Variants in LASP1NB observed in about 807,000 individuals in gnomAD.
LASP1NB encodes LASP1 neighbor protein.
the LASP1NB span, chr17:38,927,025 C>T: frequency 6.6e-6 from 1 of 151,842 alleles, no homozygotes; most frequent in Non-Finnish European, 1.5e-5. Context: ...CTCTTTGCAC[C>T]TGATTGAATT....
chr17:38,927,518 G>A, the LASP1NB span: 3 of 152,124 alleles, frequency 2.0e-5, no homozygotes, highest in East Asian at 5.8e-4. Context: ...GGCTGAGGCC[G>A]AAGAATTGCT....
the LASP1NB span, chr17:38,926,616 G>A: frequency 1.3e-5 from 2 of 152,114 alleles, no homozygotes; most frequent in Non-Finnish European, 2.9e-5. Context: ...GCTGTAGATG[G>A]GATTGAGAAC....
At chr17:38,925,735 C>G in the LASP1NB span, 1 of 398,616 alleles carries the variant, frequency 2.5e-6, no homozygotes, top group Non-Finnish European at 4.4e-6. Flanking sequence ...CCATCATAGG[C>G]CTGGTCATTC....
the LASP1NB span, chr17:38,928,397 G>A: frequency 1.3e-5 from 2 of 152,120 alleles, no homozygotes; most frequent in Admixed American, 6.6e-5. Context: ...AAACTACATC[G>A]AGAACAGAAT....
At chr17:38,925,828 A>C in the LASP1NB span, 349,663 of 398,354 alleles carry the variant, frequency 0.88, 153,903 homozygotes, top group African/African-American at 0.97. Flanking sequence ...AAGGATGGAG[A>C]TGAATGGCCG....
At chr17:38,927,614 T>C in the LASP1NB span, 2 of 150,894 alleles carry the variant, frequency 1.3e-5, no homozygotes, top group African/African-American at 4.9e-5. Context: ...CCGTCTCAAA[T>C]AAAATAAAAT....
At chr17:38,925,628 C>A in the LASP1NB span, 1 of 398,266 alleles carries the variant, frequency 2.5e-6, no homozygotes, top group Non-Finnish European at 4.4e-6. Flanking sequence ...CCACCGACTG[C>A]AACCTCCGTG....
At chr17:38,926,744 T>A in the LASP1NB span, 1 of 152,220 alleles carries the variant, frequency 6.6e-6, no homozygotes, top group African/African-American at 2.4e-5. Flanking sequence ...CAACTGCACA[T>A]TACACTCAAA....
the LASP1NB span, chr17:38,927,098 G>C: frequency 1.6e-5 from 1 of 61,974 alleles, no homozygotes; most frequent in Non-Finnish European, 3.7e-5. Flanking sequence ...CAAAATGAGT[G>C]TGTGTGTGTG....
chr17:38,927,318 T>TA, the LASP1NB span: 1 of 152,174 alleles, frequency 6.6e-6, no homozygotes, highest in Non-Finnish European at 1.5e-5. Flanking sequence ...TGCTTAAAAG[T>TA]AAACAAGGAG....
the LASP1NB span, chr17:38,925,794 C>T: frequency 2.5e-6 from 1 of 398,516 alleles, no homozygotes; most frequent in Non-Finnish European, 4.4e-6. Context: ...GCGGCCGGAG[C>T]CTGCTGGAGA....
chr17:38,927,855 C>G, the LASP1NB span: 1 of 152,052 alleles, frequency 6.6e-6, no homozygotes, highest in Admixed American at 6.6e-5. Flanking sequence ...CCAGTCTGAC[C>G]AACGTGGTGA....
chr17:38,928,193 C>T, the LASP1NB span: 1 of 152,130 alleles, frequency 6.6e-6, no homozygotes, highest in East Asian at 1.9e-4. Context: ...TGCCTATAAT[C>T]CCAGCATTTA....
At chr17:38,925,902 CA>C in the LASP1NB span, 1,346 of 310,728 alleles carry the variant, frequency 4.3e-3, no homozygotes, top group East Asian at 5.9e-3. Flanking sequence ...GTATTGATTC[CA>C]AAAAAAAAAG....
the LASP1NB span, chr17:38,928,569 T>C: frequency 6.6e-6 from 1 of 152,172 alleles, no homozygotes; most frequent in South Asian, 2.1e-4. Context: ...ACTCCAAATA[T>C]ATATTATGTC....
At chr17:38,926,591 A>C in the LASP1NB span, 2 of 152,200 alleles carry the variant, frequency 1.3e-5, no homozygotes, top group Admixed American at 6.5e-5. Context: ...GCTGGCAGAT[A>C]CTGCATATGT....
At chr17:38,925,779 G>C in the LASP1NB span, 1 of 398,550 alleles carries the variant, frequency 2.5e-6, no homozygotes, top group African/African-American at 2.1e-5. Flanking sequence ...TAGTGGCCTG[G>C]AGCTGCGGCC....
chr17:38,928,146 A>G, the LASP1NB span: 1 of 152,228 alleles, frequency 6.6e-6, no homozygotes, highest in African/African-American at 2.4e-5. Flanking sequence ...TTCATAAGTC[A>G]TTTAAACTTT....
the LASP1NB span, chr17:38,926,545 G>A: frequency 6.6e-6 from 1 of 152,190 alleles, no homozygotes; most frequent in Non-Finnish European, 1.5e-5. Flanking sequence ...TGAGCTGAGA[G>A]GCACTTGGCT....
Sources: gnomAD v4.1 joint callset for allele counts on GRCh38, gnomAD v4.1.1 for gene constraint, MANE v1.5 for transcripts, NCBI Gene and HGNC (gene_info 2026-07-23, HGNC 2026-07-21) for gene names.